PRR16: variants seen among roughly 807,000 people sequenced by gnomAD.
The protein encoded by PRR16 is proline rich 16.
In PRR16, 6 loss-of-function variants were observed where a neutral mutation model predicts 18.2. That is an observed-to-expected ratio of 0.33 (90% CI 0.18 to 0.65). The LOEUF (loss-of-function observed/expected upper bound fraction) is 0.65, where lower values mean the gene tolerates loss of function less well. Among genes scored for constraint, PRR16 ranks in the 30% least tolerant of loss-of-function variants. The pLI is 0.74. For synonymous variants in PRR16, 151 were observed against 147.8 expected, an observed-to-expected ratio of 1.02 and a Z score of -0.16; for missense variants, 412 against 376.6, an observed-to-expected ratio of 1.09 and a Z score of -0.78.
the PRR16 span, among the ~76,000 whole-genome samples, chr5:120,716,134 A>G: frequency 1.3e-5 from 2 of 151,962 alleles, no homozygotes; most frequent in Non-Finnish European, 2.9e-5. Flanking sequence ...TCACTAAATC[A>G]TTTTCTCCCA....
rs147855261 is a variant in PRR16, at chr5:120,522,642, G to C, written c.159+57997G>C. 8.3e-4 allele frequency among the ~76,000 whole-genome samples: 127 copies of C among 152,252 alleles called. 2 individuals carry two copies. Among genetic ancestry groups the C allele is most frequent in the African/African-American group, 3.0e-3 (125 of 41,558 alleles). ...GTAGGTTGAGATGGAGTCTCATTCT[G>C]TCGCCCAGGCTGGAGTGCAGTGGCA... is the stretch of plus-strand genomic sequence containing the variant. On this transcript the variant is annotated intron_variant, in intron 1 of 1. Coordinates refer to ENST00000407149, the MANE Select transcript of PRR16 (RefSeq NM_001300783.2).
At chr5:120,599,901 G>A (rs1753929386) in intron 1 of PRR16, among the ~76,000 whole-genome samples, 2 of 151,686 alleles carry the variant, frequency 1.3e-5, no homozygotes, top group South Asian at 4.1e-4. Context: ...CTAACCCTAT[G>A]CCCACAGGAC....
intron 1 of PRR16, among the ~76,000 whole-genome samples, chr5:120,617,735 CT>C (rs1561576535): frequency 6.6e-6 from 1 of 151,912 alleles, no homozygotes; most frequent in Admixed American, 6.6e-5. Context: ...AGACAATAGT[CT>C]TTTTTTAAAG....
intron 1 of PRR16, among the ~76,000 whole-genome samples, chr5:120,497,350 T>A (rs1395854025): frequency 6.6e-6 from 1 of 151,580 alleles, no homozygotes; most frequent in Non-Finnish European, 1.5e-5. Flanking sequence ...CTTTTAGTTC[T>A]ATCAGTTTTT....
chr5:120,653,313 A>AT (rs140289724), intron 1 of PRR16, among the ~76,000 whole-genome samples: 15,973 of 151,782 alleles, frequency 0.11, 1,054 homozygotes, highest in South Asian at 0.13. Context: ...AAAAAAAAGT[A>AT]TTTTTTCACT....
At chr5:120,552,030 C>T (rs892268650) in intron 1 of PRR16, among the ~76,000 whole-genome samples, 2 of 151,884 alleles carry the variant, frequency 1.3e-5, no homozygotes, top group South Asian at 2.1e-4. Context: ...TGTTAGACAT[C>T]CTCTCAGATC....
At chr5:120,697,419 T>C in the PRR16 span, among the ~76,000 whole-genome samples, 1 of 152,242 alleles carries the variant, frequency 6.6e-6, no homozygotes, top group Non-Finnish European at 1.5e-5. Context: ...ATTGTACAGA[T>C]GGCATTCTCC....
intron 1 of PRR16, among the ~76,000 whole-genome samples, chr5:120,492,468 C>T (rs1040715775): frequency 7.9e-5 from 12 of 152,112 alleles, no homozygotes; most frequent in African/African-American, 2.2e-4. Flanking sequence ...ATTTTTGTAA[C>T]TATTACTGGT....
At chr5:120,754,225 T>TGA in the PRR16 span, among the ~76,000 whole-genome samples, 89 of 60,774 alleles carry the variant, frequency 1.5e-3, 1 homozygote, top group Non-Finnish European at 2.0e-3. Flanking sequence ...TTATAATATA[T>TGA]AATATAATAT....
intron 1 of PRR16, among the ~76,000 whole-genome samples, chr5:120,560,318 C>T (rs1334426521): frequency 6.6e-6 from 1 of 151,834 alleles, no homozygotes; most frequent in East Asian, 1.9e-4. Context: ...TACCTCTATA[C>T]CCAGTTTCTT....
intron 1 of PRR16, among the ~76,000 whole-genome samples, chr5:120,626,561 G>A (rs944092693): frequency 1.3e-5 from 2 of 152,052 alleles, no homozygotes; most frequent in African/African-American, 4.8e-5. Flanking sequence ...TTACTAAATA[G>A]CATTTATCTA....
the PRR16 span, among the ~76,000 whole-genome samples, chr5:120,782,405 AT>A: frequency 6.6e-6 from 1 of 152,206 alleles, no homozygotes; most frequent in African/African-American, 2.4e-5. Context: ...GATGATTTTA[AT>A]TGTTTTATCT....
chr5:120,745,834 G>C, the PRR16 span, among the ~76,000 whole-genome samples: 1 of 149,758 alleles, frequency 6.7e-6, no homozygotes, highest in South Asian at 2.1e-4. Context: ...GAGTAGCTGG[G>C]ATTACAGGCA....
At chr5:120,667,914 A>C (rs374544429) in intron 1 of PRR16, among the ~76,000 whole-genome samples, 1 of 152,088 alleles carries the variant, frequency 6.6e-6, no homozygotes, top group African/African-American at 2.4e-5. Context: ...GTGGTGCTGA[A>C]AAAAATGTAT....
chr5:120,465,246 C>A (rs1375698852), intron 1 of PRR16, among the ~76,000 whole-genome samples: 4 of 152,202 alleles, frequency 2.6e-5, no homozygotes, highest in Non-Finnish European at 5.9e-5. Context: ...TTCTCACTTT[C>A]TCAGTTTCTG....
chr5:120,661,195 A>G (rs1173558006), intron 1 of PRR16, among the ~76,000 whole-genome samples: 1 of 152,030 alleles, frequency 6.6e-6, no homozygotes, highest in Non-Finnish European at 1.5e-5. Context: ...TGAAACTGTT[A>G]TGTCTGTTGT....
At chr5:120,594,807 A>G (rs1448360482) in intron 1 of PRR16, among the ~76,000 whole-genome samples, 1 of 152,076 alleles carries the variant, frequency 6.6e-6, no homozygotes, top group Non-Finnish European at 1.5e-5. Flanking sequence ...AATGCTGCAT[A>G]CCTAAAGCCA....
chr5:120,630,242 A>C (rs1272935813), intron 1 of PRR16, among the ~76,000 whole-genome samples: 2 of 150,788 alleles, frequency 1.3e-5, no homozygotes, highest in East Asian at 3.9e-4. Flanking sequence ...TGTCTTGTTC[A>C]TTTTCTTGTT....
chr5:120,745,865 A>ATTTTTTTTTTTTTTT, the PRR16 span, among the ~76,000 whole-genome samples: 2,533 of 127,058 alleles, frequency 0.02, 56 homozygotes, highest in Non-Finnish European at 0.03. Flanking sequence ...CGCCCGGGTA[A>ATTTTTTTTTTTTTTT]TTTTTTTTTT....
Sources: allele counts gnomAD v4.1 joint callset (sites outside exome capture counted in the v4.1 genomes callset), GRCh38; gene constraint gnomAD v4.1.1; transcripts MANE v1.5; gene names NCBI Gene and HGNC (gene_info 2026-07-23, HGNC 2026-07-21).